Variants in LRRC4C observed in about 807,000 individuals in gnomAD.
LRRC4C encodes the protein leucine-rich repeat-containing protein 4C.
LRRC4C carries 5 observed loss-of-function variants against 33.6 expected under a neutral mutation model. The observed-to-expected ratio is 0.15, with a 90% CI of 0.08 to 0.31. LRRC4C has a LOEUF of 0.31. Ranked by LOEUF, LRRC4C falls within the 10% of genes least tolerant of loss-of-function variation. The pLI is 1.00. For synonymous variants in LRRC4C, 329 were observed against 302.0 expected (o/e 1.09, Z -0.93); for missense variants, 560 against 796.7 (o/e 0.70, Z 3.58).
At chr11:40,642,945 A>G (rs1417891442) in intron 3 of LRRC4C, among the ~76,000 whole-genome samples, 3 of 152,206 alleles carry the variant, frequency 2.0e-5, no homozygotes, top group Non-Finnish European at 4.4e-5. Flanking sequence ...GATAAAATAG[A>G]ACTTTTTTCC....
At chr11:40,894,696 C>T (rs1254270685) in intron 2 of LRRC4C, among the ~76,000 whole-genome samples, 2 of 152,088 alleles carry the variant, frequency 1.3e-5, no homozygotes, top group East Asian at 1.9e-4. Context: ...AATATGTGTG[C>T]ATATGTTAAC....
intron 1 of LRRC4C, among the ~76,000 whole-genome samples, chr11:40,935,701 C>T (rs1957849153): frequency 1.3e-5 from 2 of 151,872 alleles, no homozygotes; most frequent in Non-Finnish European, 2.9e-5. Flanking sequence ...TGCCTAATGA[C>T]ACATATTTTT....
intron 2 of LRRC4C, among the ~76,000 whole-genome samples, chr11:40,649,351 A>G (rs1942650527): frequency 6.6e-6 from 1 of 152,102 alleles, no homozygotes; most frequent in South Asian, 2.1e-4. Flanking sequence ...TTAATTATTA[A>G]TATTCCTTGC....
intron 5 of LRRC4C, among the ~76,000 whole-genome samples, chr11:40,187,309 C>T (rs920113283): frequency 1.1e-4 from 17 of 150,986 alleles, no homozygotes; most frequent in African/African-American, 3.9e-4. Context: ...AAATGCCTTT[C>T]GGGAGAAAAT....
intron 2 of LRRC4C, among the ~76,000 whole-genome samples, chr11:40,839,985 T>C (rs1952842487): frequency 6.6e-6 from 1 of 152,204 alleles, no homozygotes; most frequent in Non-Finnish European, 1.5e-5. Flanking sequence ...AATTCATTTT[T>C]TCCCAATCTG....
intron 4 of LRRC4C, among the ~76,000 whole-genome samples, chr11:40,280,059 C>A (rs1943369669): frequency 6.6e-6 from 1 of 152,126 alleles, no homozygotes; most frequent in African/African-American, 2.4e-5. Flanking sequence ...TCAGTGCCAG[C>A]CCTGGGAAAA....
intron 2 of LRRC4C, among the ~76,000 whole-genome samples, chr11:40,726,380 G>T (rs1947294636): frequency 6.6e-6 from 1 of 152,146 alleles, no homozygotes; most frequent in Non-Finnish European, 1.5e-5. Context: ...TATCCACGAG[G>T]ATCATAGATG....
At chr11:40,195,364 A>G (rs571661056) in intron 5 of LRRC4C, among the ~76,000 whole-genome samples, 126 of 152,214 alleles carry the variant, frequency 8.3e-4, no homozygotes, top group Non-Finnish European at 1.5e-3. Flanking sequence ...TAAGAACCCA[A>G]TTAGATTCTT....
At chr11:41,400,699 T>C (rs936192531) in intron 1 of LRRC4C, among the ~76,000 whole-genome samples, 2 of 151,936 alleles carry the variant, frequency 1.3e-5, no homozygotes, top group South Asian at 4.1e-4. Flanking sequence ...TAGAAAGAAC[T>C]GACCAAAGCA....
chr11:40,375,274 C>G (rs1303928874), intron 3 of LRRC4C, among the ~76,000 whole-genome samples: 1 of 152,076 alleles, frequency 6.6e-6, no homozygotes, highest in East Asian at 1.9e-4. Context: ...CTGAAGTGGC[C>G]TTTATAATTG....
intron 3 of LRRC4C, among the ~76,000 whole-genome samples, chr11:40,378,149 A>G (rs1948731131): frequency 6.6e-6 from 1 of 152,094 alleles, no homozygotes; most frequent in South Asian, 2.1e-4. Context: ...TTAAAACTAG[A>G]CATTCCACCA....
At chr11:41,097,827 C>T (rs114596709) in intron 1 of LRRC4C, among the ~76,000 whole-genome samples, 116 of 152,188 alleles carry the variant, frequency 7.6e-4, no homozygotes, top group African/African-American at 2.7e-3. Flanking sequence ...GACCACTGTA[C>T]GTACCAGCAG....
At chr11:41,454,534 T>C (rs1407789475) in intron 1 of LRRC4C, among the ~76,000 whole-genome samples, 1 of 152,066 alleles carries the variant, frequency 6.6e-6, no homozygotes, top group African/African-American at 2.4e-5. Flanking sequence ...AGATTTTAGA[T>C]AAAGAGCAAT....
chr11:40,601,085 T>C (rs1959949556), intron 3 of LRRC4C, among the ~76,000 whole-genome samples: 1 of 152,216 alleles, frequency 6.6e-6, no homozygotes, highest in Non-Finnish European at 1.5e-5. Context: ...CATTAAACCC[T>C]TCATTTTTTC....
At chr11:40,552,390 C>T (rs1056172930) in intron 3 of LRRC4C, among the ~76,000 whole-genome samples, 1 of 152,176 alleles carries the variant, frequency 6.6e-6, no homozygotes, top group Non-Finnish European at 1.5e-5. Context: ...AAGTTGTCTC[C>T]TCAACATCAT....
intron 3 of LRRC4C, among the ~76,000 whole-genome samples, chr11:40,488,064 A>G (rs1953955060): frequency 6.6e-6 from 1 of 152,096 alleles, no homozygotes; most frequent in Non-Finnish European, 1.5e-5. Context: ...TTAGCCCTTC[A>G]ACTGAGATCT....
At chr11:40,824,807 A>G (rs2135495600) in intron 2 of LRRC4C, among the ~76,000 whole-genome samples, 1 of 152,086 alleles carries the variant, frequency 6.6e-6, no homozygotes, top group East Asian at 1.9e-4. Context: ...CTATCTATCT[A>G]CTGAGCTGGT....
intron 3 of LRRC4C, among the ~76,000 whole-genome samples, chr11:40,570,804 C>T (rs1163730136): frequency 1.3e-5 from 2 of 151,862 alleles, no homozygotes; most frequent in African/African-American, 2.4e-5. Flanking sequence ...CTTTGATGTG[C>T]TATCAGCCAT....
intron 1 of LRRC4C, among the ~76,000 whole-genome samples, chr11:41,128,591 A>T (rs1590689250): frequency 1.3e-5 from 2 of 152,056 alleles, no homozygotes; most frequent in African/African-American, 4.8e-5. Context: ...TTTGGAGACC[A>T]AATACTTAAG....
Sources: gnomAD v4.1 joint callset for allele counts (sites outside exome capture counted in the v4.1 genomes callset) on GRCh38, gnomAD v4.1.1 for gene constraint, MANE v1.5 for transcripts, NCBI Gene and HGNC (gene_info 2026-07-23, HGNC 2026-07-21) for gene names.